UNC13C: variants seen among roughly 807,000 people sequenced by gnomAD.
The protein encoded by UNC13C is unc-13 homolog C, also known as protein unc-13 homolog C.
In UNC13C, 174 loss-of-function variants were observed where a neutral mutation model predicts 245.4. The ratio of observed to expected loss-of-function variants is 0.71; its 90% CI spans 0.63 to 0.80. The LOEUF (loss-of-function observed/expected upper bound fraction) is 0.80, where lower values mean the gene tolerates loss of function less well. UNC13C is among the 30% of genes least tolerant of loss of function. UNC13C has a pLI of 0.00. For missense variants in UNC13C, 2,829 were observed against 2,602.9 expected (o/e 1.09, Z -1.89); for synonymous variants, 992 against 895.1 (o/e 1.11, Z -1.93).
intron 2 of UNC13C, among the ~76,000 whole-genome samples, chr15:54,120,160 G>A (rs2030568926): frequency 6.6e-6 from 1 of 152,114 alleles, no homozygotes; most frequent in African/African-American, 2.4e-5. Flanking sequence ...AACGACACCA[G>A]GACTTTTAAA....
chr15:53,910,988 G>C, the UNC13C span: 1 of 152,244 alleles, frequency 6.6e-6, no homozygotes, highest in Non-Finnish European at 1.5e-5. Flanking sequence ...TGTACCCAGG[G>C]GCAGCGGTGC....
rs911004417 is a variant in UNC13C, at chr15:54,212,427, C to T, written c.3072-22603C>T. On this transcript the variant is annotated intron_variant, in intron 4 of 32. Transcript: ENST00000260323. Reference sequence around the variant, plus strand: ...CTAAGTCCAGAGAATCATATACAGTCACTGGAAACAGCTCCCACATCAATG... The same window carrying T: ...CTAAGTCCAGAGAATCATATACAGTTACTGGAAACAGCTCCCACATCAATG... Among the ~76,000 whole-genome samples, 3 of 152,096 alleles carry T rather than the reference C, an allele frequency of 2.0e-5. No individual in the cohort carries two copies. In the East Asian group the frequency reaches 5.8e-4, roughly 29 times the overall value.
At chr15:54,035,797 T>G (rs1406694891) in intron 2 of UNC13C, among the ~76,000 whole-genome samples, 2 of 152,020 alleles carry the variant, frequency 1.3e-5, no homozygotes, top group African/African-American at 4.8e-5. Flanking sequence ...TGGGGCAAAA[T>G]TCCAAAAAGC....
At chr15:54,073,870 C>G (rs1196167426) in intron 2 of UNC13C, among the ~76,000 whole-genome samples, 2 of 152,096 alleles carry the variant, frequency 1.3e-5, no homozygotes, top group African/African-American at 4.8e-5. Context: ...TGTGCAGAAG[C>G]TCTTTCATTT....
intron 17 of UNC13C, among the ~76,000 whole-genome samples, chr15:54,360,072 C>G (rs1212800056): frequency 6.6e-6 from 1 of 151,920 alleles, no homozygotes; most frequent in East Asian, 1.9e-4. Flanking sequence ...CATTATTGTT[C>G]AGGAGCATGT....
chr15:53,990,579 A>G, intron 1 of UNC13C, among the ~76,000 whole-genome samples: 1 of 152,000 alleles, frequency 6.6e-6, no homozygotes, highest in Admixed American at 6.6e-5. Flanking sequence ...GATCTTTCCT[A>G]TCTCAAACCC....
At chr15:54,220,521 C>T (rs2035191781) in intron 4 of UNC13C, among the ~76,000 whole-genome samples, 1 of 151,144 alleles carries the variant, frequency 6.6e-6, no homozygotes, top group African/African-American at 2.4e-5. Context: ...GGGTGCAGCA[C>T]ACCAGCATGG....
chr15:53,910,597 T>A, the UNC13C span, among the ~76,000 whole-genome samples: 1 of 143,908 alleles, frequency 6.9e-6, no homozygotes, highest in Non-Finnish European at 1.6e-5. Flanking sequence ...ACAGAGGGGA[T>A]CCAGGATACA....
the UNC13C span, among the ~76,000 whole-genome samples, chr15:53,850,028 CT>C: frequency 6.6e-6 from 1 of 152,064 alleles, no homozygotes; most frequent in Non-Finnish European, 1.5e-5. Context: ...TGTCATTTTC[CT>C]TTTGCAAGAA....
At chr15:54,161,683 G>A (rs1327853516) in intron 4 of UNC13C, among the ~76,000 whole-genome samples, 1 of 152,008 alleles carries the variant, frequency 6.6e-6, no homozygotes, top group African/African-American at 2.4e-5. Flanking sequence ...GGGCATGGTG[G>A]CTCACACCTG....
chr15:54,348,074 T>G (rs1259281185), intron 17 of UNC13C, among the ~76,000 whole-genome samples: 1 of 152,182 alleles, frequency 6.6e-6, no homozygotes, highest in East Asian at 1.9e-4. Context: ...TCAATATTAA[T>G]TTTTGAGAGC....
At chr15:53,953,338 T>C in the UNC13C span, among the ~76,000 whole-genome samples, 1 of 152,336 alleles carries the variant, frequency 6.6e-6, no homozygotes, top group East Asian at 1.9e-4. Flanking sequence ...GCTGTGCCCA[T>C]GGGCATCTGC....
intron 4 of UNC13C, among the ~76,000 whole-genome samples, chr15:54,192,224 T>C (rs1220436889): frequency 2.0e-5 from 3 of 152,206 alleles, no homozygotes; most frequent in East Asian, 3.8e-4. Context: ...AGAAAAACTT[T>C]TTATATTTAG....
chr15:54,121,796 C>G (rs2030684972), intron 2 of UNC13C, among the ~76,000 whole-genome samples: 5 of 151,756 alleles, frequency 3.3e-5, no homozygotes, highest in Admixed American at 2.0e-4. Context: ...TCAGTTTATT[C>G]ATGTATTCTT....
the UNC13C span, among the ~76,000 whole-genome samples, chr15:53,893,423 G>A: frequency 6.6e-6 from 1 of 152,324 alleles, no homozygotes; most frequent in South Asian, 2.1e-4. Context: ...TGTGAGGCAG[G>A]AATGTTTAAA....
intron 14 of UNC13C, among the ~76,000 whole-genome samples, chr15:54,322,864 A>G (rs533571087): frequency 6.6e-6 from 1 of 152,168 alleles, no homozygotes; most frequent in East Asian, 1.9e-4. Flanking sequence ...TAAAATCAGC[A>G]GCCTCAATAG....
At chr15:53,868,906 C>T in the UNC13C span, among the ~76,000 whole-genome samples, 1 of 151,982 alleles carries the variant, frequency 6.6e-6, no homozygotes, top group Non-Finnish European at 1.5e-5. Context: ...TCATTTGAAC[C>T]CAGGAGTTGA....
intron 19 of UNC13C, among the ~76,000 whole-genome samples, chr15:54,441,301 G>A (rs1486808190): frequency 6.6e-6 from 1 of 151,950 alleles, no homozygotes; most frequent in Non-Finnish European, 1.5e-5. Flanking sequence ...TATAGTTTCA[G>A]GTCTTATGTT....
chr15:54,181,780 A>AT (rs984250913), intron 4 of UNC13C, among the ~76,000 whole-genome samples: 1 of 151,620 alleles, frequency 6.6e-6, no homozygotes, highest in African/African-American at 2.4e-5. Context: ...GTTTAAAAAA[A>AT]TTTTTTTATG....
Sources: gnomAD v4.1 joint callset for allele counts (sites outside exome capture counted in the v4.1 genomes callset) on GRCh38, gnomAD v4.1.1 for gene constraint, MANE v1.5 for transcripts, NCBI Gene and HGNC (gene_info 2026-07-23, HGNC 2026-07-21) for gene names.